The following MYO16 variants were observed in gnomAD, a reference collection of about 807,000 sequenced individuals.
MYO16 encodes the protein unconventional myosin-XVI.
Under a neutral mutation model 205.3 loss-of-function variants are expected in MYO16, and 94 were observed. The ratio of observed to expected loss-of-function variants is 0.46; its 90% CI spans 0.39 to 0.54. The LOEUF (loss-of-function observed/expected upper bound fraction) is 0.54. Among genes scored for constraint, MYO16 ranks in the 20% least tolerant of loss-of-function variants. The pLI is 0.00. For synonymous variants in MYO16, 988 were observed against 954.0 expected (o/e 1.04, Z -0.66); for missense variants, 2,315 against 2,387.5 (o/e 0.97, Z 0.63).
intron 4 of MYO16, among the ~76,000 whole-genome samples, chr13:108,781,438 CAGCAGCAGCTCTCTT>C (rs1886299674): frequency 6.6e-6 from 1 of 152,216 alleles, no homozygotes; most frequent in Non-Finnish European, 1.5e-5. Flanking sequence ...GCAGCTCTCT[CAGCAGCAGCTCTCTT>C]ACAGTTTGCT....
chr13:109,096,220 C>T (rs1038647477), intron 27 of MYO16, among the ~76,000 whole-genome samples: 1 of 152,188 alleles, frequency 6.6e-6, no homozygotes, highest in Non-Finnish European at 1.5e-5. Context: ...GGCATCCGCT[C>T]TTGCCTCTTC....
intron 20 of MYO16, among the ~76,000 whole-genome samples, chr13:108,989,607 A>G (rs1010660683): frequency 6.6e-6 from 1 of 152,176 alleles, no homozygotes; most frequent in African/African-American, 2.4e-5. Flanking sequence ...AGTAATTAAG[A>G]TAACAATGAA....
At chr13:108,894,161 A>G (rs1880302003) in intron 14 of MYO16, among the ~76,000 whole-genome samples, 1 of 152,118 alleles carries the variant, frequency 6.6e-6, no homozygotes, top group Non-Finnish European at 1.5e-5. Flanking sequence ...TCTCATGCGA[A>G]TGCCTTCACG....
At chr13:109,057,214 T>A (rs1255951521) in intron 27 of MYO16, among the ~76,000 whole-genome samples, 1 of 152,150 alleles carries the variant, frequency 6.6e-6, no homozygotes, top group Non-Finnish European at 1.5e-5. Context: ...TTTGGTAAAT[T>A]TTATAAAGAC....
chr13:108,872,134 A>G (rs1391807848), intron 12 of MYO16, among the ~76,000 whole-genome samples: 1 of 152,214 alleles, frequency 6.6e-6, no homozygotes, highest in African/African-American at 2.4e-5. Flanking sequence ...AACGCACCCA[A>G]TTTAAAGTTA....
chr13:108,532,607 A>T, the MYO16 span, among the ~76,000 whole-genome samples: 2 of 150,618 alleles, frequency 1.3e-5, no homozygotes, highest in African/African-American at 4.9e-5. Context: ...AGCTTGGGCA[A>T]CATAGTGAGA....
intron 1 of MYO16, among the ~76,000 whole-genome samples, chr13:108,616,761 T>G (rs886496949): frequency 6.6e-6 from 1 of 152,154 alleles, no homozygotes; most frequent in African/African-American, 2.4e-5. Flanking sequence ...TACAAAAGTG[T>G]AGAAAGAAAG....
At chr13:108,699,897 T>G (rs1883233181) in intron 2 of MYO16, among the ~76,000 whole-genome samples, 1 of 152,180 alleles carries the variant, frequency 6.6e-6, no homozygotes, top group Admixed American at 6.5e-5. Flanking sequence ...TCTGTCAGTT[T>G]TTAAGATAAT....
intron 9 of MYO16, 48 bp downstream of exon 9, chr13:108,823,326 G>T (rs1166336010): frequency 6.5e-7 from 1 of 1,535,746 alleles, no homozygotes. Flanking sequence ...TCTACCTGCT[G>T]GTCATTTTAG....
chr13:108,653,825 A>C (rs1868871558), intron 1 of MYO16, among the ~76,000 whole-genome samples: 1 of 151,658 alleles, frequency 6.6e-6, no homozygotes, highest in Non-Finnish European at 1.5e-5. Flanking sequence ...ATTCTTATAT[A>C]GACTGTGTCC....
intron 21 of MYO16, among the ~76,000 whole-genome samples, chr13:109,008,424 T>G (rs1885473893): frequency 7.6e-6 from 1 of 131,724 alleles, no homozygotes; most frequent in Non-Finnish European, 1.6e-5. Context: ...ACTATCTATC[T>G]TGTGTATGCA....
the MYO16 span, among the ~76,000 whole-genome samples, chr13:108,525,427 T>C: frequency 6.6e-6 from 1 of 152,156 alleles, no homozygotes; most frequent in Non-Finnish European, 1.5e-5. Flanking sequence ...CCTCGAGCCA[T>C]GTGGGGAGGT....
At chr13:108,889,272 T>C (rs1880050778) in intron 14 of MYO16, among the ~76,000 whole-genome samples, 1 of 152,136 alleles carries the variant, frequency 6.6e-6, no homozygotes, top group African/African-American at 2.4e-5. Flanking sequence ...ACATTTGCAG[T>C]GTTAACTGTC....
At chr13:108,505,134 T>C in the MYO16 span, among the ~76,000 whole-genome samples, 1 of 152,206 alleles carries the variant, frequency 6.6e-6, no homozygotes, top group African/African-American at 2.4e-5. Context: ...CAAGTATCTC[T>C]TCAAGATCCT....
chr13:108,504,069 G>T, the MYO16 span, among the ~76,000 whole-genome samples: 2 of 152,084 alleles, frequency 1.3e-5, no homozygotes, highest in Admixed American at 6.6e-5. Context: ...GTACAGTAAT[G>T]TTAACTATGT....
intron 4 of MYO16, among the ~76,000 whole-genome samples, chr13:108,756,982 G>A (rs1885441482): frequency 6.6e-6 from 1 of 152,138 alleles, no homozygotes; most frequent in Non-Finnish European, 1.5e-5. Context: ...ATAGCCCTTG[G>A]TGTATCTGTT....
rs1555340484 is a variant in MYO16, at chr13:109,199,220, A to ATATATATATG, written c.5416-7380_5416-7379insGTATATATAT. ...TATATATATATATATATATATATAT[A>ATATATATATG]TATATATATATATATATATACCGTC... On this transcript the variant is annotated intron_variant, in intron 34 of 34. Coordinates refer to ENST00000457511, the MANE Select transcript of MYO16 (RefSeq NM_001198950.3). Among the ~76,000 whole-genome samples, 5 of 110,726 alleles carry ATATATATATG rather than the reference A, an allele frequency of 4.5e-5. No individual in the cohort carries two copies. In the East Asian group the frequency reaches 1.4e-3, roughly 32 times the overall value. The allele number at this position is 110,726 out of a possible 152,430, so 72.6% of individuals were successfully genotyped here. A position where few individuals can be genotyped will look rare whatever the true frequency, so the allele number is the denominator to read the frequency against.
At chr13:108,869,648 G>A (rs1363833700) in intron 12 of MYO16, among the ~76,000 whole-genome samples, 3 of 145,762 alleles carry the variant, frequency 2.1e-5, no homozygotes, top group Non-Finnish European at 4.5e-5. Context: ...GCAGAATGGC[G>A]TGAACCCGGG....
intron 4 of MYO16, among the ~76,000 whole-genome samples, chr13:108,782,942 G>A (rs1246499514): frequency 6.6e-6 from 1 of 152,220 alleles, no homozygotes; most frequent in Non-Finnish European, 1.5e-5. Context: ...GTTTGCTGCA[G>A]GGGCGAGGCC....
Sources: gnomAD v4.1 joint callset for allele counts (sites outside exome capture counted in the v4.1 genomes callset) on GRCh38, gnomAD v4.1.1 for gene constraint, MANE v1.5 for transcripts, NCBI Gene and HGNC (gene_info 2026-07-23, HGNC 2026-07-21) for gene names.